The following CYTH3 variants were observed in gnomAD, a reference collection of about 807,000 sequenced individuals.
CYTH3 encodes the protein cytohesin 3, also known as cytohesin-3.
In CYTH3, 23 loss-of-function variants were observed where a neutral mutation model predicts 55.1. The observed-to-expected ratio is 0.42, with a 90% CI of 0.30 to 0.59. CYTH3 has a LOEUF of 0.59. Ranked by LOEUF, CYTH3 falls within the 20% of genes least tolerant of loss-of-function variation. CYTH3 has a pLI of 0.20. For missense variants in CYTH3, 413 were observed against 524.8 expected (o/e 0.79, Z 2.08); for synonymous variants, 249 against 194.9 (o/e 1.28, Z -2.31).
At chr7:6,241,987 G>A (rs990828130) in intron 1 of CYTH3, among the ~76,000 whole-genome samples, 1 of 152,150 alleles carries the variant, frequency 6.6e-6, no homozygotes, top group Non-Finnish European at 1.5e-5. Flanking sequence ...TAGGACAGGG[G>A]ACAGAATAGT....
chr7:6,182,695 T>C (rs1305982233), intron 4 of CYTH3, among the ~76,000 whole-genome samples: 7 of 152,074 alleles, frequency 4.6e-5, no homozygotes, highest in African/African-American at 1.7e-4. Context: ...AAACTGTTTA[T>C]AGAGATGAGG....
In CYTH3 at chr7:6,191,579, G is replaced by T. The variant is rs145057921; in HGVS notation, c.35-1048C>A. On this transcript the variant is annotated intron_variant, in intron 1 of 12. Coordinates refer to ENST00000350796, the MANE Select transcript of CYTH3 (RefSeq NM_004227.4). ...AGGAGAATTTTTTTTATAATTTCAG[G>T]GTAGGGAAGGACTTTTTTTTTTTTT... Among the ~76,000 whole-genome samples, 907 of 150,306 alleles carry T rather than the reference G, an allele frequency of 6.0e-3. 4 individuals are homozygous for T. The highest frequency in any genetic ancestry group is 0.02 in the South Asian group (97 of 4,766).
chr7:6,259,799 A>ATATAT (rs1780282323), intron 1 of CYTH3, among the ~76,000 whole-genome samples: 2 of 25,000 alleles, frequency 8.0e-5, no homozygotes, highest in African/African-American at 5.4e-4. Context: ...ATATATATAT[A>ATATAT]TATATATATA....
At chr7:6,228,682 G>A (rs777556722) in intron 1 of CYTH3, among the ~76,000 whole-genome samples, 4 of 152,196 alleles carry the variant, frequency 2.6e-5, no homozygotes, top group Admixed American at 6.5e-5. Context: ...CCCGCTCTGA[G>A]CAGGGTCCTC....
chr7:6,174,275 C>A (rs912491882), intron 5 of CYTH3, among the ~76,000 whole-genome samples: 1 of 151,810 alleles, frequency 6.6e-6, no homozygotes, highest in East Asian at 1.9e-4. Flanking sequence ...CCACCATGCC[C>A]GGCTAACTTT....
chr7:6,198,359 T>G (rs1355465677), intron 1 of CYTH3, among the ~76,000 whole-genome samples: 1 of 139,896 alleles, frequency 7.1e-6, no homozygotes. Flanking sequence ...ACCTAGCTGT[T>G]AGACCAGCTG....
intron 4 of CYTH3, among the ~76,000 whole-genome samples, chr7:6,185,479 A>G (rs112343961): frequency 2.6e-4 from 40 of 151,946 alleles, no homozygotes; most frequent in African/African-American, 6.5e-4. Flanking sequence ...GGCAGATCAC[A>G]AGGTCAGGAG....
intron 1 of CYTH3, among the ~76,000 whole-genome samples, chr7:6,218,390 A>G (rs1322042733): frequency 6.6e-6 from 1 of 152,214 alleles, no homozygotes; most frequent in Non-Finnish European, 1.5e-5. Context: ...ATGCTGGGAA[A>G]GGGAAGAAAA....
intron 1 of CYTH3, among the ~76,000 whole-genome samples, chr7:6,234,346 A>G (rs1292096583): frequency 1.3e-5 from 2 of 152,196 alleles, no homozygotes; most frequent in African/African-American, 4.8e-5. Context: ...CTGACCAAGG[A>G]CTGCCTTCCC....
intron 2 of CYTH3, among the ~76,000 whole-genome samples, chr7:6,188,332 C>CT (rs1180754976): frequency 2.0e-5 from 3 of 149,016 alleles, no homozygotes; most frequent in Non-Finnish European, 3.0e-5. Context: ...GACTTGGTCT[C>CT]TTTTTTTAAA....
chr7:6,242,881 G>C (rs1779711181), intron 1 of CYTH3, among the ~76,000 whole-genome samples: 1 of 152,032 alleles, frequency 6.6e-6, no homozygotes. Flanking sequence ...CCCCAGAATG[G>C]ACCAAGGGTC....
chr7:6,162,239 G>A lies in CYTH3; in HGVS notation c.*2705C>T, dbSNP rs1376562890. On this transcript the variant is annotated 3_prime_UTR_variant, in exon 13 of 13. Transcript: ENST00000350796. ...AAAGTTGCTGCTTATCTGGGTCCAG[G>A]GTCAGTACAATTAAACTCAAATATG... 2.6e-5 allele frequency: 4 copies of A among 152,320 alleles called. No homozygotes were observed. The highest frequency in any genetic ancestry group is 7.2e-5 in the African/African-American group (3 of 41,432). 9.4% of individuals were successfully genotyped at this position (152,320 alleles called of 1,614,324 possible). A position where few individuals can be genotyped will look rare whatever the true frequency, so the allele number is the denominator to read the frequency against.
chr7:6,255,848 C>A (rs1447621670), intron 1 of CYTH3, among the ~76,000 whole-genome samples: 2 of 148,940 alleles, frequency 1.3e-5, no homozygotes, highest in Non-Finnish European at 3.0e-5. Context: ...ACTACAAGCT[C>A]CGCCTTCCAG....
chr7:6,229,521 A>T (rs1488412472), intron 1 of CYTH3, among the ~76,000 whole-genome samples: 1 of 151,920 alleles, frequency 6.6e-6, no homozygotes, highest in Non-Finnish European at 1.5e-5. Context: ...CATAGAACAT[A>T]TCTCAGGGCT....
chr7:6,227,193 G>A (rs1779277936), intron 1 of CYTH3, among the ~76,000 whole-genome samples: 1 of 151,624 alleles, frequency 6.6e-6, no homozygotes. Context: ...CAACAGCCCA[G>A]AGATGCTGAA....
At chr7:6,209,222 G>A (rs1784268702) in intron 1 of CYTH3, among the ~76,000 whole-genome samples, 1 of 152,178 alleles carries the variant, frequency 6.6e-6, no homozygotes, top group African/African-American at 2.4e-5. Context: ...ATTTGTAAAT[G>A]GGATACTACT....
chr7:6,165,871 A>G (rs1782985419), intron 9 of CYTH3, 61 bp from the exon 10 acceptor site: 4 of 1,556,758 alleles, frequency 2.6e-6, no homozygotes, highest in Non-Finnish European at 3.5e-6. Context: ...CGGGTCCAAG[A>G]GGGGGCCCTG....
chr7:6,232,346 T>G lies in CYTH3; in HGVS notation c.34+40128A>C, dbSNP rs115531466. Reference sequence around the variant, plus strand: ...CAAGCTCTGAGTCTGACTGCTGGCCTTGGAGATGCTCTACCCGGCACTCCC... The same window carrying G: ...CAAGCTCTGAGTCTGACTGCTGGCCGTGGAGATGCTCTACCCGGCACTCCC... On this transcript the variant is annotated intron_variant, in intron 1 of 12. Transcript: ENST00000350796. 5.8e-3 allele frequency among the ~76,000 whole-genome samples: 883 copies of G among 152,294 alleles called. 11 individuals are homozygous for G. Among genetic ancestry groups the G allele is most frequent in the African/African-American group, 0.02 (841 of 41,566 alleles).
chr7:6,188,042 C>A (rs547138667), intron 2 of CYTH3, among the ~76,000 whole-genome samples: 1 of 152,044 alleles, frequency 6.6e-6, no homozygotes, highest in East Asian at 1.9e-4. Flanking sequence ...AAAGATAAAA[C>A]CAAGCCAGGA....
Sources: allele counts gnomAD v4.1 joint callset (sites outside exome capture counted in the v4.1 genomes callset), GRCh38; gene constraint gnomAD v4.1.1; transcripts MANE v1.5; gene names NCBI Gene and HGNC (gene_info 2026-07-23, HGNC 2026-07-21).